The following MCTP1 variants were observed in gnomAD, a reference collection of about 807,000 sequenced individuals.
MCTP1 encodes the protein multiple C2 and transmembrane domain-containing protein 1.
In MCTP1, 69 loss-of-function variants were observed where a neutral mutation model predicts 120.6. That is an observed-to-expected ratio of 0.57 (90% CI 0.47 to 0.70). The LOEUF is 0.70. Among genes scored for constraint, MCTP1 ranks in the 30% least tolerant of loss-of-function variants. The pLI is 0.00. For synonymous variants in MCTP1, 529 were observed against 493.1 expected (o/e 1.07, Z -0.96); for missense variants, 1,203 against 1,248.8 (o/e 0.96, Z 0.55).
At chr5:94,803,325 A>C (rs1781585198) in intron 17 of MCTP1, among the ~76,000 whole-genome samples, 1 of 152,202 alleles carries the variant, frequency 6.6e-6, no homozygotes, top group Non-Finnish European at 1.5e-5. Context: ...GCATGTTAGA[A>C]GCTCTCTATC....
At chr5:95,104,221 C>T (rs1756940490) in intron 1 of MCTP1, among the ~76,000 whole-genome samples, 1 of 152,156 alleles carries the variant, frequency 6.6e-6, no homozygotes, top group African/African-American at 2.4e-5. Context: ...TTCCTTATTA[C>T]TAATGGGACC....
chr5:94,993,335 G>A (rs116585118), intron 2 of MCTP1, among the ~76,000 whole-genome samples: 29 of 152,210 alleles, frequency 1.9e-4, no homozygotes, highest in Non-Finnish European at 3.1e-4. Flanking sequence ...GCATCTACAC[G>A]TATTCACAGT....
chr5:94,714,948 T>C, intron 19 of MCTP1, 62 bp from the exon 20 acceptor site: 1 of 955,896 alleles, frequency 1.0e-6, no homozygotes, highest in Non-Finnish European at 1.7e-6. Flanking sequence ...CTTGAATTCT[T>C]TGTGTTGTCC....
chr5:95,227,297 T>C (rs537758962), intron 1 of MCTP1, among the ~76,000 whole-genome samples: 1 of 152,296 alleles, frequency 6.6e-6, no homozygotes, highest in South Asian at 2.1e-4. Flanking sequence ...CACCTTATAG[T>C]TATGTCCTGA....
chr5:94,973,299 C>A (rs996035584), intron 2 of MCTP1, among the ~76,000 whole-genome samples: 1 of 152,164 alleles, frequency 6.6e-6, no homozygotes, highest in Non-Finnish European at 1.5e-5. Context: ...ACCGACTTGT[C>A]CCGTCTACCT....
At chr5:95,077,321 G>C (rs1753811623) in intron 1 of MCTP1, among the ~76,000 whole-genome samples, 2 of 151,780 alleles carry the variant, frequency 1.3e-5, no homozygotes, top group Non-Finnish European at 2.9e-5. Flanking sequence ...ATTAATTTAG[G>C]TGTTCAAATT....
chr5:94,987,359 A>T (rs1830606374), intron 2 of MCTP1, among the ~76,000 whole-genome samples: 1 of 152,154 alleles, frequency 6.6e-6, no homozygotes, highest in African/African-American at 2.4e-5. Context: ...GCTTCCTAGA[A>T]TCACCAATGT....
intron 1 of MCTP1, among the ~76,000 whole-genome samples, chr5:95,220,712 T>A (rs535802810): frequency 5.9e-5 from 9 of 152,232 alleles, no homozygotes; most frequent in African/African-American, 2.2e-4. Context: ...TCCAGAGTCA[T>A]GGCAATATTT....
At chr5:95,094,485 G>A (rs1048701537) in intron 1 of MCTP1, among the ~76,000 whole-genome samples, 1 of 152,134 alleles carries the variant, frequency 6.6e-6, no homozygotes, top group Non-Finnish European at 1.5e-5. Flanking sequence ...AAATGAATAA[G>A]CAAATTAACA....
In MCTP1 at chr5:95,017,408, G is replaced by A; in HGVS notation, c.797C>T (p.Thr266Ile). Residue 266 changes from threonine to isoleucine, a missense_variant, in exon 2 of 23, where the codon ACA (threonine) becomes ATA (isoleucine). By Grantham distance (89) the Thr-to-Ile change is moderately conservative. This residue lies in a region of MCTP1 where 740 missense variants were observed against 871.1 expected (regional missense o/e 0.85). Coordinates refer to ENST00000515393, the MANE Select transcript of MCTP1 (RefSeq NM_024717.7). ...AGCTAAACTTTGACCCCTTCTTAATGTAATGTCCAGCTGGTACATTCCGGG... is the reference window on the plus strand; with the variant it reads ...AGCTAAACTTTGACCCCTTCTTAATATAATGTCCAGCTGGTACATTCCGGG... ...ADPGMYQLDI[T>I]LRRGQSLAAR... is the part of the protein sequence containing the mutation. The A allele has an allele frequency of 6.2e-7, 1 of 1,610,034 alleles. No individual in the cohort carries two copies. The highest frequency in any genetic ancestry group is 8.5e-7 in the Non-Finnish European group (1 of 1,177,486).
rs1769033181 is a variant in MCTP1, at chr5:94,753,616, T to C, written c.2610+25494A>G. On this transcript the variant is annotated intron_variant, in intron 19 of 22. Transcript: ENST00000515393. The stretch of plus-strand genomic sequence containing the variant: ...CAGTGATGCTATTGCACATTTACTT[T>C]CAGGTATCATTTTCATTTTAAAATT... Among the ~76,000 whole-genome samples, 3 of 152,362 alleles carry C rather than the reference T, an allele frequency of 2.0e-5. No homozygotes were observed. The South Asian group carries it at 6.2e-4, about 32-fold the overall frequency.
At chr5:95,213,715 C>A (rs1277285827) in intron 1 of MCTP1, among the ~76,000 whole-genome samples, 2 of 151,792 alleles carry the variant, frequency 1.3e-5, no homozygotes, top group African/African-American at 4.8e-5. Context: ...TGCCACATAT[C>A]TACAACTATC....
At chr5:94,767,931 G>C (rs773497348) in intron 19 of MCTP1, among the ~76,000 whole-genome samples, 1 of 152,086 alleles carries the variant, frequency 6.6e-6, no homozygotes, top group Admixed American at 6.6e-5. Flanking sequence ...AACTATAAAA[G>C]ACCCTAATAG....
At chr5:95,032,297 CT>C (rs1446064627) in intron 1 of MCTP1, among the ~76,000 whole-genome samples, 1 of 152,132 alleles carries the variant, frequency 6.6e-6, no homozygotes, top group East Asian at 1.9e-4. Flanking sequence ...ACATTCTCAT[CT>C]GTGCATGGAA....
intron 1 of MCTP1, among the ~76,000 whole-genome samples, chr5:95,140,197 A>C (rs1759790546): frequency 6.6e-6 from 1 of 152,194 alleles, no homozygotes; most frequent in African/African-American, 2.4e-5. Flanking sequence ...AAAAAAATTT[A>C]TATTTGCAAA....
intron 1 of MCTP1, among the ~76,000 whole-genome samples, chr5:95,033,260 G>C (rs895486943): frequency 1.3e-5 from 2 of 151,904 alleles, no homozygotes; most frequent in Non-Finnish European, 2.9e-5. Flanking sequence ...AAATCTGACA[G>C]GGACACAACA....
chr5:94,854,959 C>T (rs891594316), intron 17 of MCTP1, among the ~76,000 whole-genome samples: 1 of 151,806 alleles, frequency 6.6e-6, no homozygotes. Flanking sequence ...GGGCAGTCTC[C>T]ATGTCAAAGC....
chr5:94,938,568 T>A (rs181908355), intron 5 of MCTP1, among the ~76,000 whole-genome samples: 1 of 152,176 alleles, frequency 6.6e-6, no homozygotes, highest in African/African-American at 2.4e-5. Flanking sequence ...AAAATTTTCC[T>A]ATATTTGCTC....
At chr5:95,067,748 TTCAG>T (rs1453240719) in intron 1 of MCTP1, among the ~76,000 whole-genome samples, 6 of 152,178 alleles carry the variant, frequency 3.9e-5, no homozygotes, top group Non-Finnish European at 1.5e-5. Context: ...TGTGGAAAGA[TTCAG>T]TCAAACTAAG....
Sources: gnomAD v4.1 joint callset for allele counts (sites outside exome capture counted in the v4.1 genomes callset) on GRCh38, gnomAD v4.1.1 for gene constraint, gnomAD v4.1.1 regional missense constraint, MANE v1.5 for transcripts, NCBI Gene and HGNC (gene_info 2026-07-23, HGNC 2026-07-21) for gene names.